The following HDLBP variants were observed in gnomAD, a reference collection of about 807,000 sequenced individuals.
HDLBP encodes high density lipoprotein binding protein, also known as vigilin.
In HDLBP, 30 loss-of-function variants were observed where a neutral mutation model predicts 137.3. That is an observed-to-expected ratio of 0.22 (90% confidence interval 0.16 to 0.30). The LOEUF is 0.30. HDLBP is among the 10% of genes least tolerant of loss of function. The pLI, the probability that HDLBP is intolerant of heterozygous loss-of-function variation, is 1.00. For synonymous variants in HDLBP, 606 were observed against 596.0 expected, an observed-to-expected ratio of 1.02 and a Z score of -0.24; for missense variants, 1,119 against 1,667.3, an observed-to-expected ratio of 0.67 and a Z score of 5.73.
chr2:241,296,102 A>G (rs1167836573), intron 1 of HDLBP, among the ~76,000 whole-genome samples: 2 of 137,238 alleles, frequency 1.5e-5, no homozygotes, highest in Non-Finnish European at 3.3e-5. Context: ...AAATTTTGCA[A>G]AAAAAAAAAA....
chr2:241,237,197 AG>A (rs959976976), intron 20 of HDLBP, among the ~76,000 whole-genome samples: 1 of 152,172 alleles, frequency 6.6e-6, no homozygotes, highest in Non-Finnish European at 1.5e-5. Context: ...GCCAGCACGC[AG>A]CCCCACCCAG....
At chr2:241,306,256 CAG>C (rs1408259780) in intron 1 of HDLBP, among the ~76,000 whole-genome samples, 1 of 151,322 alleles carries the variant, frequency 6.6e-6, no homozygotes, top group African/African-American at 2.4e-5. Context: ...AAAACCCACT[CAG>C]AGATTCAGCT....
At chr2:241,241,160 C>T (rs1271920814) in intron 17 of HDLBP, among the ~76,000 whole-genome samples, 9 of 152,032 alleles carry the variant, frequency 5.9e-5, no homozygotes. Flanking sequence ...AACACAAAGA[C>T]AAAAACATCA....
At chr2:241,279,868 T>A (rs551497645) in intron 1 of HDLBP, 1 of 971,566 alleles carries the variant, frequency 1.0e-6, no homozygotes, top group East Asian at 1.1e-4. Context: ...AGAACCTAAT[T>A]GTCAGTGGAT....
At chr2:241,296,959 C>T (rs968802764) in intron 1 of HDLBP, among the ~76,000 whole-genome samples, 6 of 152,266 alleles carry the variant, frequency 3.9e-5, no homozygotes, top group Admixed American at 3.3e-4. Context: ...AGCACGAAGG[C>T]AGTCATACTA....
chr2:241,311,764 G>A (rs1559562785), intron 1 of HDLBP, among the ~76,000 whole-genome samples: 1 of 152,136 alleles, frequency 6.6e-6, no homozygotes, highest in Non-Finnish European at 1.5e-5. Context: ...ATACCACTTC[G>A]TCCAGCTGTA....
In HDLBP at chr2:241,254,115, C is replaced by T. The variant is rs143751224; in HGVS notation, c.1189-618G>A. ...ACCTGGGCAACTAGTAAGACTCTGC[C>T]TCCACGAAAACTAGCCTGGGGCGCC... On this transcript the variant is annotated intron_variant, in intron 9 of 27. Coordinates refer to ENST00000310931, the MANE Select transcript of HDLBP (RefSeq NM_005336.6). 2.0e-3 allele frequency among the ~76,000 whole-genome samples: 298 copies of T among 152,140 alleles called. 5 individuals are homozygous for T. In the East Asian group the frequency reaches 0.055, roughly 28 times the overall value.
chr2:241,239,741 C>T lies in HDLBP; in HGVS notation c.2471G>A (p.Arg824Gln), dbSNP rs377448064. 10 of 1,614,086 alleles carry T rather than the reference C, an allele frequency of 6.2e-6. No homozygotes were observed. The highest frequency in any genetic ancestry group is 7.6e-6 in the Non-Finnish European group (9 of 1,180,054). The change falls in exon 19 of 28, where the codon CGG becomes CAG. Residue 824 changes from arginine (R) to glutamine (Q), a missense_variant. Arg to Gln is a conservative substitution (Grantham distance 43, BLOSUM62 1). This residue lies in a region of HDLBP where 618 missense variants were observed against 816.7 expected (regional missense o/e 0.76). Transcript: ENST00000310931. This position sits in a 1 kb window ranked among gnomAD's most constrained non-coding sequence, Gnocchi z 4.6. ...HFVIRRGQVL[R>Q]EIAEEYGGVM... Reference sequence around the variant, plus strand: ...CCCGCCATACTCTTCAGCAATCTCCCGCAAGACCTGGCCTCTGCGGATGAC... The same window carrying T: ...CCCGCCATACTCTTCAGCAATCTCCTGCAAGACCTGGCCTCTGCGGATGAC...
In HDLBP at chr2:241,255,600, G is replaced by A. The variant is rs1428514413; in HGVS notation, c.874-20C>T. The A allele has an allele frequency of 2.5e-6, 4 of 1,600,052 alleles. No homozygotes were observed. In the Admixed American group the frequency reaches 6.7e-5, roughly 27 times the overall value. On this transcript the variant is annotated intron_variant, in intron 7 of 27. Transcript: ENST00000310931. ...CTTTTTCTAAATAAGAGCACCATAA[G>A]GGGCAGTCAAAGGGAAAGGTGTGGG...
chr2:241,280,342 TAATA>T (rs2074546890), intron 1 of HDLBP, among the ~76,000 whole-genome samples: 1 of 152,214 alleles, frequency 6.6e-6, no homozygotes, highest in Admixed American at 6.5e-5. Context: ...TATTTACTGC[TAATA>T]TATATTACAG....
chr2:241,265,358 C>T (rs112819300), intron 3 of HDLBP, among the ~76,000 whole-genome samples: 4,678 of 152,260 alleles, frequency 0.031, 170 homozygotes, highest in African/African-American at 0.084. Flanking sequence ...GCAGAGGTTG[C>T]AGTGAGCCAA....
At chr2:241,306,237 G>T (rs1435301317) in intron 1 of HDLBP, among the ~76,000 whole-genome samples, 1 of 150,850 alleles carries the variant, frequency 6.6e-6, no homozygotes, top group East Asian at 2.0e-4. Context: ...AAAAAAAAAT[G>T]AAAAATGAAA....
At chr2:241,275,606 A>G (rs966193533) in intron 1 of HDLBP, among the ~76,000 whole-genome samples, 1 of 152,234 alleles carries the variant, frequency 6.6e-6, no homozygotes, top group African/African-American at 2.4e-5. Context: ...GTCTAGCAGG[A>G]TAATTTAAAC....
chr2:241,233,323 CATGAGGGCCAGTGGCAGGGGGGT>C lies in HDLBP; in HGVS notation c.3288+474_3288+496del, dbSNP rs554611858. Among the ~76,000 whole-genome samples, 5 of 152,246 alleles carry C rather than the reference CATGAGGGCCAGTGGCAGGGGGGT, an allele frequency of 3.3e-5. No individual in the cohort carries two copies. The South Asian group carries it at 1.0e-3, about 32-fold the overall frequency. On this transcript the variant is annotated intron_variant, in intron 24 of 27. Transcript: ENST00000310931. This position sits in a 1 kb window ranked among gnomAD's most constrained non-coding sequence, Gnocchi z 4.3. The stretch of plus-strand genomic sequence containing the variant: ...TTTTGTTCTGAGTGAAGCAGGAGGC[CATGAGGGCCAGTGGCAGGGGGGT>C]GGCACTGCAATTTGGAGGAAGTAAC...
At chr2:241,244,238 C>T (rs1559494187) in intron 16 of HDLBP, among the ~76,000 whole-genome samples, 1 of 152,158 alleles carries the variant, frequency 6.6e-6, no homozygotes, top group Non-Finnish European at 1.5e-5. Flanking sequence ...ACTAAATACC[C>T]TGGTCACCAG....
intron 7 of HDLBP, 120 bp from the exon 8 acceptor site, chr2:241,255,700 G>A (rs1054295406): frequency 8.2e-6 from 6 of 735,844 alleles, no homozygotes; most frequent in Non-Finnish European, 1.4e-5. Flanking sequence ...CTGATCCCAA[G>A]AAGTGAACAA....
intron 17 of HDLBP, among the ~76,000 whole-genome samples, chr2:241,241,954 G>C (rs1401689646): frequency 6.6e-6 from 1 of 152,152 alleles, no homozygotes; most frequent in African/African-American, 2.4e-5. Context: ...TTGACAGGCT[G>C]ATCAGCAAGG....
rs114796182 is a variant in HDLBP at position 241,241,246 on chromosome 2, C to T, written c.2170-1124G>A. On this transcript the variant is annotated intron_variant, in intron 17 of 27. Transcript: ENST00000310931. ...GAGAAATGTAACTGTCCACAGACCACGTGATTGTGACATATAAAATAAGGA... is the reference window on the plus strand; with the variant it reads ...GAGAAATGTAACTGTCCACAGACCATGTGATTGTGACATATAAAATAAGGA... Among the ~76,000 whole-genome samples, 824 of 152,250 alleles carry T rather than the reference C, an allele frequency of 5.4e-3. 11 individuals carry two copies. The highest frequency in any genetic ancestry group is 0.018 in the African/African-American group (762 of 41,572).
chr2:241,248,397 A>T, intron 12 of HDLBP, 49 bp from the exon 13 acceptor site: 1 of 1,423,652 alleles, frequency 7.0e-7, no homozygotes. Flanking sequence ...CACGGCGAGC[A>T]ACTCCCCACT....
Sources: allele counts gnomAD v4.1 joint callset (sites outside exome capture counted in the v4.1 genomes callset), GRCh38; gene constraint gnomAD v4.1.1; regional missense constraint gnomAD v4.1.1; non-coding constraint Gnocchi (gnomAD v3.1); transcripts MANE v1.5; gene names NCBI Gene and HGNC (gene_info 2026-07-23, HGNC 2026-07-21).